PCDHA3: variants seen among roughly 807,000 people sequenced by gnomAD.
The protein encoded by PCDHA3 is protocadherin alpha-3.
In PCDHA3, 41 loss-of-function variants were observed where a neutral mutation model predicts 62.2. That is an observed-to-expected ratio of 0.66 (90% CI 0.51 to 0.86). PCDHA3 has a LOEUF of 0.86. Among genes scored for constraint, PCDHA3 ranks in the 40% least tolerant of loss-of-function variants. The pLI, the probability that PCDHA3 is intolerant of heterozygous loss-of-function variation, is 0.00. For missense variants in PCDHA3, 1,304 were observed against 1,241.2 expected (o/e 1.05, Z -0.76); for synonymous variants, 640 against 555.4 (o/e 1.15, Z -2.14).
chr5:140,938,758 A>T (rs2153638695), intron 1 of PCDHA3, among the ~76,000 whole-genome samples: 1 of 152,274 alleles, frequency 6.6e-6, no homozygotes, highest in African/African-American at 2.4e-5. Flanking sequence ...AGGCATAGTT[A>T]TTGGGTACTA....
intron 1 of PCDHA3, among the ~76,000 whole-genome samples, chr5:140,833,344 C>A (rs1772415330): frequency 6.6e-6 from 1 of 152,078 alleles, no homozygotes; most frequent in Admixed American, 6.6e-5. Flanking sequence ...GTGAAACATT[C>A]CAGAAAACGA....
chr5:140,812,099 T>G (rs1456552720), intron 1 of PCDHA3: 4 of 152,060 alleles, frequency 2.6e-5, no homozygotes, highest in African/African-American at 9.7e-5. Flanking sequence ...TTGATTCTTC[T>G]TTAAAAGTTT....
chr5:140,836,492 C>T lies in PCDHA3; in HGVS notation c.2394+32901C>T, dbSNP rs2150262015. On this transcript the variant is annotated intron_variant, in intron 1 of 3. Coordinates refer to ENST00000522353, the MANE Select transcript of PCDHA3 (RefSeq NM_018906.3). ...ATGTCAACGTGTACCTGATCATCGC[C>T]ATCTGCGCGGTGTCCAGTCTGTTGG... 13 of 1,613,758 alleles carry T rather than the reference C, an allele frequency of 8.1e-6. No individual in the cohort carries two copies. The South Asian group carries it at 8.8e-5, about 11-fold the overall frequency.
chr5:140,922,735 G>C (rs1370700616), intron 1 of PCDHA3, among the ~76,000 whole-genome samples: 1 of 152,078 alleles, frequency 6.6e-6, no homozygotes, highest in Non-Finnish European at 1.5e-5. Context: ...ACAAGGTTGA[G>C]AAAAATAAAT....
chr5:140,920,002 A>G (rs1260973070), intron 1 of PCDHA3, among the ~76,000 whole-genome samples: 1 of 152,230 alleles, frequency 6.6e-6, no homozygotes, highest in Non-Finnish European at 1.5e-5. Flanking sequence ...CACAGAGGAA[A>G]AGGCCATGCG....
intron 1 of PCDHA3, among the ~76,000 whole-genome samples, chr5:140,899,594 G>A (rs1583347259): frequency 1.3e-5 from 2 of 152,238 alleles, no homozygotes; most frequent in Non-Finnish European, 2.9e-5. Flanking sequence ...GTATTTTATT[G>A]AGGACTTTTG....
chr5:140,926,997 C>T (rs782110120), intron 1 of PCDHA3: 3 of 1,612,104 alleles, frequency 1.9e-6, no homozygotes, highest in Admixed American at 3.3e-5. Context: ...GGGGCGTAGC[C>T]GTAGGCAATC....
At chr5:140,879,297 A>G (rs573154436) in intron 1 of PCDHA3, among the ~76,000 whole-genome samples, 1 of 152,346 alleles carries the variant, frequency 6.6e-6, no homozygotes, top group African/African-American at 2.4e-5. Flanking sequence ...TAAGAGAAAA[A>G]CAAAAGTAGA....
chr5:140,887,258 T>G (rs934733001), intron 1 of PCDHA3, among the ~76,000 whole-genome samples: 4 of 151,924 alleles, frequency 2.6e-5, no homozygotes, highest in East Asian at 1.9e-4. Context: ...CACCACGCCC[T>G]GCTAATTTTT....
intron 1 of PCDHA3, chr5:140,851,724 A>G: frequency 1.0e-6 from 1 of 967,484 alleles, no homozygotes; most frequent in Non-Finnish European, 1.2e-6. Context: ...CGAAACTTCG[A>G]GTTCTTTTGA....
intron 1 of PCDHA3, among the ~76,000 whole-genome samples, chr5:140,893,394 T>TAA (rs2063972728): frequency 6.6e-6 from 1 of 152,198 alleles, no homozygotes; most frequent in South Asian, 2.1e-4. Flanking sequence ...GGCTCATGCC[T>TAA]GTAATCCCAG....
intron 1 of PCDHA3, among the ~76,000 whole-genome samples, chr5:140,941,445 A>C (rs1472770794): frequency 8.0e-5 from 12 of 149,892 alleles, no homozygotes; most frequent in Middle Eastern, 6.8e-3. Context: ...CCTCGGGAGT[A>C]GCTGGGATTA....
intron 1 of PCDHA3, chr5:140,866,074 T>C (rs1409925126): frequency 6.6e-6 from 1 of 152,180 alleles, no homozygotes; most frequent in Non-Finnish European, 1.5e-5. Context: ...CTGAGATAGG[T>C]ATTTTGGTTA....
At chr5:140,823,331 T>G in intron 1 of PCDHA3, 2 of 1,612,068 alleles carry the variant, frequency 1.2e-6, no homozygotes, top group Non-Finnish European at 1.7e-6. Context: ...GTGTACGCGC[T>G]GCAGCCGCTG....
In PCDHA3 at chr5:140,807,588, C is replaced by T. The variant is rs146575746; in HGVS notation, c.2394+3997C>T. The T allele has an allele frequency of 5.2e-3, 8,452 of 1,614,134 alleles. 639 individuals are homozygous for T. In the Admixed American group the frequency reaches 0.13, roughly 25 times the overall value. On this transcript the variant is annotated intron_variant, in intron 1 of 3. Coordinates refer to ENST00000522353, the MANE Select transcript of PCDHA3 (RefSeq NM_018906.3). Reference sequence around the variant, plus strand: ...ATTAACGATAACCCGCCGGTGTTCCCAGCAACACAAAAGAACCTGTCCATC... The same window carrying T: ...ATTAACGATAACCCGCCGGTGTTCCTAGCAACACAAAAGAACCTGTCCATC...
At chr5:140,826,923 T>C (rs944702059) in intron 1 of PCDHA3, among the ~76,000 whole-genome samples, 3 of 152,076 alleles carry the variant, frequency 2.0e-5, no homozygotes, top group Non-Finnish European at 4.4e-5. Context: ...GAAAGACAGA[T>C]GGACTTAGGT....
At chr5:140,994,222 C>T (rs2097605581) in intron 3 of PCDHA3, among the ~76,000 whole-genome samples, 1 of 152,168 alleles carries the variant, frequency 6.6e-6, no homozygotes, top group Admixed American at 6.5e-5. Context: ...CAGGGTCTGT[C>T]TATGTTATAA....
At chr5:140,967,143 A>G in intron 1 of PCDHA3, 1 of 1,611,272 alleles carries the variant, frequency 6.2e-7, no homozygotes, top group South Asian at 1.1e-5. Flanking sequence ...GTGCTGGCGC[A>G]CAACCCCGTG....
At chr5:140,841,792 G>A in intron 1 of PCDHA3, 1 of 1,613,916 alleles carries the variant, frequency 6.2e-7, no homozygotes, top group Non-Finnish European at 8.5e-7. Flanking sequence ...TAGAGGGCGC[G>A]TCCGATGCAG....
Sources: gnomAD v4.1 joint callset for allele counts (sites outside exome capture counted in the v4.1 genomes callset) on GRCh38, gnomAD v4.1.1 for gene constraint, MANE v1.5 for transcripts, NCBI Gene and HGNC (gene_info 2026-07-23, HGNC 2026-07-21) for gene names.